Variants in PTPRD observed in about 807,000 individuals in gnomAD.
The protein encoded by PTPRD is protein tyrosine phosphatase receptor type D, also known as receptor-type tyrosine-protein phosphatase delta.
A neutral mutation model predicts 214.5 loss-of-function variants in PTPRD; 34 were observed. The ratio of observed to expected loss-of-function variants is 0.16; its 90% confidence interval spans 0.12 to 0.21. PTPRD has a LOEUF of 0.21. Ranked by LOEUF, PTPRD falls within the 10% of genes least tolerant of loss-of-function variation. The probability of loss-of-function intolerance (pLI) is 1.00; values close to 1 mark genes in which losing one functional copy is unlikely to be tolerated. For missense variants in PTPRD, 2,545 were observed against 2,398.7 expected (o/e 1.06, Z -1.27); for synonymous variants, 1,128 against 845.7 (o/e 1.33, Z -5.79).
chr9:9,595,098 G>A (rs77476775), intron 7 of PTPRD, among the ~76,000 whole-genome samples: 17 of 151,706 alleles, frequency 1.1e-4, no homozygotes, highest in African/African-American at 1.7e-4. Flanking sequence ...AGATGTTGGC[G>A]TAGATGCGGT....
At chr9:10,459,498 C>G (rs2098942786) in intron 2 of PTPRD, among the ~76,000 whole-genome samples, 1 of 152,160 alleles carries the variant, frequency 6.6e-6, no homozygotes, top group African/African-American at 2.4e-5. Context: ...AATGGTTGAA[C>G]TAATTTACAC....
At chr9:9,288,336 C>G (rs891017758) in intron 9 of PTPRD, among the ~76,000 whole-genome samples, 1 of 151,770 alleles carries the variant, frequency 6.6e-6, no homozygotes, top group African/African-American at 2.4e-5. Context: ...CTCTACCCTC[C>G]TCTACTCTGG....
At chr9:9,020,659 A>G (rs1380610750) in intron 10 of PTPRD, among the ~76,000 whole-genome samples, 2 of 152,202 alleles carry the variant, frequency 1.3e-5, no homozygotes, top group South Asian at 2.1e-4. Flanking sequence ...TACATATTAT[A>G]TTTGAAATGC....
intron 4 of PTPRD, among the ~76,000 whole-genome samples, chr9:10,031,478 T>C (rs901613109): frequency 3.3e-5 from 5 of 151,338 alleles, no homozygotes; most frequent in African/African-American, 1.2e-4. Context: ...TACATCTTTC[T>C]CCAGTGCTGG....
At chr9:10,570,005 A>G (rs1306523131) in intron 2 of PTPRD, among the ~76,000 whole-genome samples, 4 of 152,142 alleles carry the variant, frequency 2.6e-5, no homozygotes, top group African/African-American at 9.7e-5. Flanking sequence ...TTACTTATAT[A>G]TACTAAACAG....
chr9:9,305,682 G>A (rs1006369245), intron 9 of PTPRD, among the ~76,000 whole-genome samples: 2 of 152,074 alleles, frequency 1.3e-5, no homozygotes, highest in African/African-American at 4.8e-5. Flanking sequence ...TATTGAATTA[G>A]GATGTGCTCT....
chr9:10,466,742 C>T (rs916384044), intron 2 of PTPRD, among the ~76,000 whole-genome samples: 2 of 150,076 alleles, frequency 1.3e-5, no homozygotes, highest in Non-Finnish European at 3.0e-5. Flanking sequence ...GAAAACTTCA[C>T]ATAAAGTTTA....
At chr9:10,247,054 G>GA (rs1164267450) in intron 3 of PTPRD, among the ~76,000 whole-genome samples, 5 of 152,028 alleles carry the variant, frequency 3.3e-5, no homozygotes, top group African/African-American at 9.7e-5. Context: ...GGGTCAAAGA[G>GA]AAAAAATCTT....
intron 5 of PTPRD, among the ~76,000 whole-genome samples, chr9:9,911,901 A>G (rs2079299445): frequency 6.6e-6 from 1 of 152,144 alleles, no homozygotes; most frequent in Non-Finnish European, 1.5e-5. Context: ...TTTACTTAAA[A>G]TACAAAGAGA....
intron 3 of PTPRD, among the ~76,000 whole-genome samples, chr9:10,275,417 A>G (rs2094622920): frequency 6.6e-6 from 1 of 152,096 alleles, no homozygotes; most frequent in Non-Finnish European, 1.5e-5. Context: ...AAATAAATTG[A>G]GAGGGATGAG....
chr9:9,700,037 AT>A, intron 7 of PTPRD, among the ~76,000 whole-genome samples: 1 of 152,300 alleles, frequency 6.6e-6, no homozygotes, highest in Non-Finnish European at 1.5e-5. Context: ...AAGAAAATAA[AT>A]GACATTCAGA....
chr9:8,419,469 G>C (rs774974439), intron 35 of PTPRD, among the ~76,000 whole-genome samples: 1 of 151,770 alleles, frequency 6.6e-6, no homozygotes, highest in African/African-American at 2.4e-5. Context: ...AAAACAAAAA[G>C]CCTAAACAAT....
chr9:8,740,361 A>G (rs1052553138), intron 11 of PTPRD, among the ~76,000 whole-genome samples: 1 of 152,216 alleles, frequency 6.6e-6, no homozygotes, highest in Non-Finnish European at 1.5e-5. Flanking sequence ...ATAGACATAA[A>G]GGACAAGCAT....
chr9:8,722,123 CTGTGTGTGTG>C lies in PTPRD; in HGVS notation c.64+11647_64+11656del, dbSNP rs34720946. ...ATTTCTCCATACATTAAGTATTACT[CTGTGTGTGTG>C]TGTGTGTGTGTGTGTGTGTGTGTGT... On this transcript the variant is annotated intron_variant, in intron 12 of 45. Coordinates refer to ENST00000381196, the MANE Select transcript of PTPRD (RefSeq NM_002839.4). 2.1e-3 allele frequency among the ~76,000 whole-genome samples: 310 copies of C among 147,450 alleles called. 3 individuals carry two copies. Among genetic ancestry groups the C allele is most frequent in the East Asian group, 0.015 (75 of 4,860 alleles).
In PTPRD at chr9:9,922,752, C is replaced by G. The variant is rs576171853; in HGVS notation, c.-368+15755G>C. 3.3e-5 allele frequency among the ~76,000 whole-genome samples: 5 copies of G among 151,506 alleles called. No individual in the cohort carries two copies. The South Asian group carries it at 1.0e-3, about 32-fold the overall frequency. On this transcript the variant is annotated intron_variant, in intron 5 of 45. Transcript: ENST00000381196. ...AAGACAAACCAAAAACAAGAACATT[C>G]TATTAAAAACAGGGGGAATTTTATC...
chr9:10,014,961 T>C (rs1205094957), intron 4 of PTPRD, among the ~76,000 whole-genome samples: 1 of 152,072 alleles, frequency 6.6e-6, no homozygotes, highest in Non-Finnish European at 1.5e-5. Flanking sequence ...AATTAAAATG[T>C]CTTCAATATA....
chr9:9,848,420 T>C (rs765847988), intron 5 of PTPRD, among the ~76,000 whole-genome samples: 16 of 152,116 alleles, frequency 1.1e-4, no homozygotes, highest in Non-Finnish European at 1.3e-4. Flanking sequence ...CTTAGATGTG[T>C]ATAGAAAAGA....
chr9:9,011,000 T>C (rs1486736514), intron 11 of PTPRD, among the ~76,000 whole-genome samples: 1 of 152,168 alleles, frequency 6.6e-6, no homozygotes, highest in Non-Finnish European at 1.5e-5. Flanking sequence ...AAACATTTCC[T>C]ATGGCCTAGG....
intron 9 of PTPRD, among the ~76,000 whole-genome samples, chr9:9,273,602 T>A (rs961707852): frequency 1.3e-5 from 2 of 151,304 alleles, no homozygotes; most frequent in Admixed American, 6.6e-5. Context: ...ACTGCAGATA[T>A]CAGAAGTCTT....
Sources: gnomAD v4.1 joint callset for allele counts (sites outside exome capture counted in the v4.1 genomes callset) on GRCh38, gnomAD v4.1.1 for gene constraint, MANE v1.5 for transcripts, NCBI Gene and HGNC (gene_info 2026-07-23, HGNC 2026-07-21) for gene names.